The following USP20 variants were observed in gnomAD, a reference collection of about 807,000 sequenced individuals.
USP20 encodes the protein ubiquitin specific peptidase 20.
USP20 carries 80 observed loss-of-function variants against 124.2 expected under a neutral mutation model. The observed-to-expected ratio is 0.64, with a 90% confidence interval of 0.54 to 0.78. The LOEUF (loss-of-function observed/expected upper bound fraction) is 0.78, where lower values mean the gene tolerates loss of function less well. USP20 is among the 30% of genes least tolerant of loss of function. USP20 has a pLI of 0.00. For missense variants in USP20, 1,043 were observed against 1,244.4 expected, an observed-to-expected ratio of 0.84 and a Z score of 2.44; for synonymous variants, 481 against 512.3, an observed-to-expected ratio of 0.94 and a Z score of 0.83.
chr9:129,843,940 G>A (rs2032384867), intron 1 of USP20, among the ~76,000 whole-genome samples: 3 of 151,956 alleles, frequency 2.0e-5, no homozygotes. Context: ...GGTAGTGCAT[G>A]CCTGTAGTCC....
chr9:129,847,089 C>T (rs2032620767), intron 1 of USP20, among the ~76,000 whole-genome samples: 1 of 152,200 alleles, frequency 6.6e-6, no homozygotes, highest in African/African-American at 2.4e-5. Context: ...CATAATGCAG[C>T]TATGAACATA....
rs753632060 is a variant in USP20 at position 129,873,698 on chromosome 9, G to A, written c.1695-1G>A. The A allele has an allele frequency of 6.2e-7, 1 of 1,613,486 alleles. No individual in the cohort carries two copies. Among genetic ancestry groups the A allele is most frequent in the Non-Finnish European group, 8.5e-7 (1 of 1,180,020 alleles). On this transcript the variant is annotated splice_acceptor_variant, in intron 16 of 25. Transcript: ENST00000372429. LOFTEE classifies it high-confidence loss of function. ...GATGCTGGCTCGTGCTTCCTCCCCA[G>A]GCTGCGGAACGGAGTGAAGTACTGC...
At chr9:129,875,017 G>A in intron 19 of USP20, 62 bp downstream of exon 19, 1 of 1,586,956 alleles carries the variant, frequency 6.3e-7, no homozygotes, top group Admixed American at 1.7e-5. Context: ...GGACCCATGG[G>A]CCTTCTGGGT....
At chr9:129,838,981 C>G (rs1288694655) in intron 1 of USP20, among the ~76,000 whole-genome samples, 2 of 152,168 alleles carry the variant, frequency 1.3e-5, no homozygotes, top group Non-Finnish European at 2.9e-5. Flanking sequence ...GAAAAATGCT[C>G]TGAAGAATGA....
rs1197394120 is a variant in USP20, at chr9:129,839,201, T to C, written c.-129+3702T>C. Among the ~76,000 whole-genome samples, 1 of 152,176 alleles carries C rather than the reference T, an allele frequency of 6.6e-6. No individual in the cohort carries two copies. Among genetic ancestry groups the C allele is most frequent in the African/African-American group, 2.4e-5 (1 of 41,454 alleles). On this transcript the variant is annotated intron_variant, in intron 1 of 25. Transcript: ENST00000372429. This position sits in a 1 kb window ranked among gnomAD's most constrained non-coding sequence, Gnocchi z 4.5. Reference sequence around the variant, plus strand: ...GTGTGACCTTAGCCAGTTATTCCACTTCTCTGAGCCTCGGTGTCTCCATTG... The same window carrying C: ...GTGTGACCTTAGCCAGTTATTCCACCTCTCTGAGCCTCGGTGTCTCCATTG...
intron 13 of USP20, 104 bp from the exon 14 acceptor site, chr9:129,869,568 T>A (rs527988527): frequency 2.6e-4 from 408 of 1,552,708 alleles, no homozygotes; most frequent in Non-Finnish European, 3.4e-4. Context: ...GGATCCCGTG[T>A]CTATGGCCTG....
chr9:129,868,005 G>A lies in USP20; in HGVS notation c.691G>A (p.Asp231Asn). ...NPMFRGYAQQ[D>N]TQEFLRCLMD... is the part of the protein sequence containing the mutation. ...CTGTTGATGCAGCCCCTGGTTCTAGGACACCCAAGAGTTCCTTCGCTGCCT... is the reference window on the plus strand; with the variant it reads ...CTGTTGATGCAGCCCCTGGTTCTAGAACACCCAAGAGTTCCTTCGCTGCCT... Residue 231 changes from aspartate (D) to asparagine (N), a missense_variant and splice_region_variant, in exon 11 of 26, where the codon GAC becomes AAC. Physicochemically the swap from Asp to Asn is conservative, Grantham distance 23. Transcript: ENST00000372429. 1.9e-6 allele frequency: 3 copies of A among 1,611,558 alleles called. No homozygotes were observed. The highest frequency in any genetic ancestry group is 2.5e-6 in the Non-Finnish European group (3 of 1,178,506).
Position 129,874,930 on chromosome 9 carries a change from G to C in USP20, c.2023G>C (p.Ala675Pro). 1 of 1,614,006 alleles carries C rather than the reference G, an allele frequency of 6.2e-7. No homozygotes were observed. The highest frequency in any genetic ancestry group is 8.5e-7 in the Non-Finnish European group (1 of 1,180,018). The stretch of plus-strand genomic sequence containing the variant: ...AGTCCACGAGACGGTGGTGCAGAAC[G>C]CCGAGGGCTACGTACTCTTCTACAG... ...TEVHETVVQN[A>P]EGYVLFYRKS... is the part of the protein sequence containing the mutation. The change falls in exon 19 of 26, where the codon GCC becomes CCC. Residue 675 changes from alanine to proline, a missense_variant. Ala to Pro is a conservative substitution (Grantham distance 27). Transcript: ENST00000372429.
chr9:129,865,315 G>T lies in USP20; in HGVS notation c.624G>T (p.Val208=). The change falls in exon 10 of 26, where the codon GTG becomes GTT. Residue 208 remains valine, a synonymous_variant. Coordinates refer to ENST00000372429, the MANE Select transcript of USP20 (RefSeq NM_001110303.4). ...GGGCTTCCTACAGGCCAAGCTACGTGGTCCCCACCAGTCTGTCTCATGGGA... is the reference window on the plus strand; with the variant it reads ...GGGCTTCCTACAGGCCAAGCTACGTTGTCCCCACCAGTCTGTCTCATGGGA... ...EVWHKKRPSY[V]VPTSLSHGIK... 4.3e-6 allele frequency: 7 copies of T among 1,614,114 alleles called. No homozygotes were observed. The highest frequency in any genetic ancestry group is 5.9e-6 in the Non-Finnish European group (7 of 1,179,978).
At position 129,878,451 on chromosome 9, in the gene USP20, G is replaced by T; in HGVS notation, c.2512+11G>T. The T allele has an allele frequency of 3.2e-6, 5 of 1,585,196 alleles. No homozygotes were observed. The highest frequency in any genetic ancestry group is 3.4e-6 in the Non-Finnish European group (4 of 1,162,844). ...AGGGGAAGGACAACGGTGAGCTGAG[G>T]GGGGACCTGGCACTTACCTGCCCTG... On this transcript the variant is annotated intron_variant, in intron 23 of 25. Coordinates refer to ENST00000372429, the MANE Select transcript of USP20 (RefSeq NM_001110303.4).
intron 10 of USP20, 152 bp from the exon 11 acceptor site, chr9:129,867,853 G>A: frequency 1.1e-6 from 1 of 895,696 alleles, no homozygotes; most frequent in East Asian, 2.7e-5. Flanking sequence ...AGACTGCCAT[G>A]GGAGGCCGCT....
chr9:129,875,229 G>A (rs1290990367), intron 19 of USP20, 81 bp from the exon 20 acceptor site: 1 of 1,433,334 alleles, frequency 7.0e-7, no homozygotes, highest in East Asian at 2.4e-5. Flanking sequence ...GTAGCCCGAG[G>A]TGCACTGGGA....
Position 129,868,423 on chromosome 9 carries a change from G to C in USP20, c.1109G>C (p.Arg370Pro). 1 of 1,611,418 alleles carries C rather than the reference G, an allele frequency of 6.2e-7. No homozygotes were observed. The highest frequency in any genetic ancestry group is 8.5e-7 in the Non-Finnish European group (1 of 1,178,932). ...QPAEAQPPSPRSSSPCRTPEP... is the reference protein window; with the variant it reads ...QPAEAQPPSPPSSSPCRTPEP... The stretch of plus-strand genomic sequence containing the variant: ...GCGGAGGCCCAGCCCCCGTCACCAC[G>C]GTCCTCCAGCCCCTGCCGGACGCCA... Residue 370 changes from arginine (R) to proline (P), a missense_variant, in exon 11 of 26, where the codon CGG becomes CCG. Transcript: ENST00000372429.
chr9:129,875,197 C>T (rs1478845313), intron 19 of USP20, 113 bp from the exon 20 acceptor site: 2 of 1,300,656 alleles, frequency 1.5e-6, no homozygotes, highest in Admixed American at 2.6e-5. Context: ...GTGAAGGACC[C>T]AGGAGGTGGT....
intron 21 of USP20, among the ~76,000 whole-genome samples, 163 bp downstream of exon 21, chr9:129,875,804 CAT>C (rs1257577206): frequency 8.7e-6 from 1 of 115,410 alleles, no homozygotes; most frequent in East Asian, 2.6e-4. Context: ...GAGAATGACA[CAT>C]GTCGTTTGTG....
At chr9:129,875,196 C>G in intron 19 of USP20, 114 bp from the exon 20 acceptor site, 1 of 1,298,228 alleles carries the variant, frequency 7.7e-7, no homozygotes. Context: ...CGTGAAGGAC[C>G]CAGGAGGTGG....
At chr9:129,861,487 T>C (rs1056508014) in intron 7 of USP20, 56 bp from the exon 8 acceptor site, 2 of 1,549,758 alleles carry the variant, frequency 1.3e-6, no homozygotes, top group East Asian at 2.3e-5. Context: ...ACTTGCAAGG[T>C]TTCCTCGGTG....
chr9:129,860,880 G>A, intron 6 of USP20, 57 bp from the exon 7 acceptor site: 1 of 1,569,820 alleles, frequency 6.4e-7, no homozygotes, highest in Non-Finnish European at 8.8e-7. Flanking sequence ...AGACACCTGG[G>A]CCTCTGACCC....
At chr9:129,860,131 C>A (rs1030938470) in intron 6 of USP20, among the ~76,000 whole-genome samples, 2 of 152,096 alleles carry the variant, frequency 1.3e-5, no homozygotes, top group African/African-American at 4.8e-5. Context: ...GAGATCGAGA[C>A]CATCCTGGCT....
Sources: gnomAD v4.1 joint callset for allele counts (sites outside exome capture counted in the v4.1 genomes callset) on GRCh38, gnomAD v4.1.1 for gene constraint, Gnocchi (gnomAD v3.1) non-coding constraint, MANE v1.5 for transcripts, NCBI Gene and HGNC (gene_info 2026-07-23, HGNC 2026-07-21) for gene names.